The following CDK6 variants were observed in gnomAD, a reference collection of about 807,000 sequenced individuals.
CDK6 encodes cyclin-dependent kinase 6.
In CDK6, 6 loss-of-function variants were observed where a neutral mutation model predicts 37.1. That is an observed-to-expected ratio of 0.16 (90% confidence interval 0.09 to 0.32). The LOEUF (loss-of-function observed/expected upper bound fraction) is 0.32. CDK6 is among the 10% of genes least tolerant of loss of function. The pLI is 1.00. For synonymous variants in CDK6, 160 were observed against 161.3 expected (o/e 0.99, Z 0.06); for missense variants, 224 against 418.9 (o/e 0.53, Z 4.06).
intron 5 of CDK6, among the ~76,000 whole-genome samples, chr7:92,630,384 T>C (rs976182445): frequency 6.6e-6 from 1 of 152,008 alleles, no homozygotes; most frequent in Admixed American, 6.6e-5. Context: ...GGGAAAGAAA[T>C]GATGATGTAT....
chr7:92,793,783 G>C (rs1184128959), intron 2 of CDK6, among the ~76,000 whole-genome samples: 1 of 152,032 alleles, frequency 6.6e-6, no homozygotes, highest in Non-Finnish European at 1.5e-5. Flanking sequence ...TCATTCATTT[G>C]TAAGAAATGG....
intron 2 of CDK6, among the ~76,000 whole-genome samples, chr7:92,829,448 A>G (rs1268322477): frequency 6.6e-6 from 1 of 152,184 alleles, no homozygotes; most frequent in East Asian, 1.9e-4. Context: ...TTCTTACAGC[A>G]CATGATCCTA....
chr7:92,694,958 A>G (rs1394694485), intron 4 of CDK6, among the ~76,000 whole-genome samples: 1 of 152,176 alleles, frequency 6.6e-6, no homozygotes, highest in Non-Finnish European at 1.5e-5. Context: ...CAAATGACTG[A>G]AATTACTTAT....
intron 4 of CDK6, among the ~76,000 whole-genome samples, chr7:92,684,878 G>A (rs1396130243): frequency 1.3e-5 from 2 of 151,828 alleles, no homozygotes; most frequent in Non-Finnish European, 2.9e-5. Flanking sequence ...CATATTACTT[G>A]ACATAAGAAT....
intron 3 of CDK6, among the ~76,000 whole-genome samples, chr7:92,760,175 T>C (rs1799419755): frequency 6.6e-6 from 1 of 152,188 alleles, no homozygotes; most frequent in Non-Finnish European, 1.5e-5. Flanking sequence ...AGCAATTGCT[T>C]CCATTTACAA....
intron 3 of CDK6, among the ~76,000 whole-genome samples, chr7:92,739,718 T>C (rs1309225358): frequency 6.6e-6 from 1 of 152,218 alleles, no homozygotes; most frequent in African/African-American, 2.4e-5. Context: ...CTTTAGATTT[T>C]TGCATCTTTA....
At chr7:92,822,831 T>A (rs977648420) in intron 2 of CDK6, among the ~76,000 whole-genome samples, 1 of 152,106 alleles carries the variant, frequency 6.6e-6, no homozygotes, top group African/African-American at 2.4e-5. Context: ...GTTTTCTAAA[T>A]ATGGCAGAAT....
chr7:92,815,774 A>G (rs1252969294), intron 2 of CDK6, among the ~76,000 whole-genome samples: 2 of 152,188 alleles, frequency 1.3e-5, no homozygotes, highest in African/African-American at 2.4e-5. Context: ...CATGGGGTCT[A>G]TTGAGTCCCT....
At chr7:92,798,859 T>G (rs1036232750) in intron 2 of CDK6, among the ~76,000 whole-genome samples, 2 of 152,184 alleles carry the variant, frequency 1.3e-5, no homozygotes, top group Non-Finnish European at 2.9e-5. Flanking sequence ...TAATAGAAGA[T>G]CAAAGCTATT....
At chr7:92,738,975 C>G (rs924037591) in intron 3 of CDK6, among the ~76,000 whole-genome samples, 31 of 152,242 alleles carry the variant, frequency 2.0e-4, no homozygotes, top group African/African-American at 6.3e-4. Flanking sequence ...GGCCTAATCT[C>G]AGAACAATTT....
chr7:92,632,961 A>C, intron 5 of CDK6, among the ~76,000 whole-genome samples: 1 of 144,452 alleles, frequency 6.9e-6, no homozygotes, highest in Non-Finnish European at 1.5e-5. Flanking sequence ...TTTTTTCCAA[A>C]CAAGCTAAGA....
At chr7:92,832,925 C>A (rs898112702) in intron 2 of CDK6, among the ~76,000 whole-genome samples, 166 bp downstream of exon 2, 2 of 152,162 alleles carry the variant, frequency 1.3e-5, no homozygotes, top group African/African-American at 4.8e-5. Context: ...CTCTGGCTCG[C>A]GGCTCTGTCG....
Position 92,759,900 on chromosome 7 carries a change from G to A in CDK6, c.369+14796C>T, listed in dbSNP as rs546291624. On this transcript the variant is annotated intron_variant, in intron 3 of 7. Transcript: ENST00000424848. ...ATGAAGATTGCTGTTAGCACTTCAA[G>A]TCTCAAATTAAATATTTTGCTTCAA... Among the ~76,000 whole-genome samples the A allele has an allele frequency of 3.3e-5, 5 of 152,182 alleles. No individual in the cohort carries two copies. In the South Asian group the frequency reaches 1.0e-3, roughly 32 times the overall value.
Position 92,774,809 on chromosome 7 carries a change from A to G in CDK6, c.256T>C (p.Ser86Pro), listed in dbSNP as rs200082521. Residue 86 changes from serine to proline, a missense_variant, in exon 3 of 8, where the codon TCA becomes CCA. Physicochemically the swap from Ser to Pro is moderately conservative, Grantham distance 74. Coordinates refer to ENST00000424848, the MANE Select transcript of CDK6 (RefSeq NM_001145306.2). Reference sequence around the variant, plus strand: ...AGTTTGGTTTCTCTGTCTGTTCGTGACACTGTGCACACATCAAACAACCTA... The same window carrying G: ...AGTTTGGTTTCTCTGTCTGTTCGTGGCACTGTGCACACATCAAACAACCTA... ...VVRLFDVCTVSRTDRETKLTL... is the reference protein window; with the variant it reads ...VVRLFDVCTVPRTDRETKLTL... 1.9e-6 allele frequency: 3 copies of G among 1,611,080 alleles called. No individual in the cohort carries two copies. The highest frequency in any genetic ancestry group is 2.5e-6 in the Non-Finnish European group (3 of 1,178,976).
intron 3 of CDK6, among the ~76,000 whole-genome samples, chr7:92,734,463 C>A (rs900819986): frequency 6.6e-6 from 1 of 152,198 alleles, no homozygotes; most frequent in Non-Finnish European, 1.5e-5. Flanking sequence ...TGGATTTCTG[C>A]CATCTTTACT....
chr7:92,651,515 C>A lies in CDK6; in HGVS notation c.647+19911G>T, dbSNP rs78499056. On this transcript the variant is annotated intron_variant, in intron 5 of 7. Transcript: ENST00000424848. ...TCTAAATTTTACCCATTTCCAGAAG[C>A]CTTTAAGGTCCAAGAAACAGGATAA... Among the ~76,000 whole-genome samples the A allele has an allele frequency of 2.1e-3, 321 of 152,218 alleles. 6 individuals carry two copies. The East Asian group carries it at 0.056, about 27-fold the overall frequency.
chr7:92,798,746 A>C (rs1800484813), intron 2 of CDK6, among the ~76,000 whole-genome samples: 1 of 152,086 alleles, frequency 6.6e-6, no homozygotes, highest in African/African-American at 2.4e-5. Context: ...TTCAACATCT[A>C]GCTCTTCCTT....
rs1397002804 is a variant in CDK6 at position 92,834,601 on chromosome 7, GGATA to G, written c.-367-915_-367-912del. On this transcript the variant is annotated intron_variant, in intron 1 of 7. Coordinates refer to ENST00000424848, the MANE Select transcript of CDK6 (RefSeq NM_001145306.2). The surrounding 1 kb of genome is among the most constrained non-coding windows in gnomAD (Gnocchi z 4.6). ...TCCTTAAAGAATAACTTCAGGAAGG[GGATA>G]GCATAATCGCGCCTCGTCCTTAAGT... Among the ~76,000 whole-genome samples, 2 of 149,854 alleles carry G rather than the reference GGATA, an allele frequency of 1.3e-5. No homozygotes were observed. The highest frequency in any genetic ancestry group is 4.9e-5 in the African/African-American group (2 of 40,554).
In CDK6 at chr7:92,618,179, A is replaced by G; in HGVS notation, c.727T>C (p.Trp243Arg). The G allele has an allele frequency of 6.2e-7, 1 of 1,614,178 alleles. No homozygotes were observed. The highest frequency in any genetic ancestry group is 8.5e-7 in the Non-Finnish European group (1 of 1,179,982). ...DVIGLPGEED[W>R]PRDVALPRQA... ...CTGGGAAGGGCAACATCTCTAGGCCAGTCTTCTTCTCCTGGGAGTCCAATC... is the reference window on the plus strand; with the variant it reads ...CTGGGAAGGGCAACATCTCTAGGCCGGTCTTCTTCTCCTGGGAGTCCAATC... The change falls in exon 7 of 8, where the codon TGG (tryptophan) becomes CGG (arginine). Residue 243 changes from tryptophan (W) to arginine (R), a missense_variant. This residue lies in a region of CDK6 where 90 missense variants were observed against 136.2 expected (regional missense o/e 0.66). Coordinates refer to ENST00000424848, the MANE Select transcript of CDK6 (RefSeq NM_001145306.2).
Sources: gnomAD v4.1 joint callset for allele counts (sites outside exome capture counted in the v4.1 genomes callset) on GRCh38, gnomAD v4.1.1 for gene constraint, gnomAD v4.1.1 regional missense constraint, Gnocchi (gnomAD v3.1) non-coding constraint, MANE v1.5 for transcripts, NCBI Gene and HGNC (gene_info 2026-07-23, HGNC 2026-07-21) for gene names.